DSCAM: variants seen among roughly 807,000 people sequenced by gnomAD.
DSCAM encodes cell adhesion molecule DSCAM.
In DSCAM, 47 loss-of-function variants were observed where a neutral mutation model predicts 217.7. That is an observed-to-expected ratio of 0.22 (90% CI 0.17 to 0.28). DSCAM has a LOEUF of 0.28. DSCAM is among the 10% of genes least tolerant of loss of function. The pLI is 1.00. For synonymous variants in DSCAM, 1,056 were observed against 1,015.3 expected (o/e 1.04, Z -0.76); for missense variants, 2,080 against 2,618.3 (o/e 0.79, Z 4.49).
chr21:40,533,557 T>TATC (rs1568884637), intron 3 of DSCAM, among the ~76,000 whole-genome samples: 2,721 of 62,664 alleles, frequency 0.043, 89 homozygotes, highest in African/African-American at 0.096. Context: ...ATCCATCCAT[T>TATC]CATCCATCCA....
At chr21:40,726,292 A>T (rs1309093120) in intron 1 of DSCAM, among the ~76,000 whole-genome samples, 1 of 152,216 alleles carries the variant, frequency 6.6e-6, no homozygotes, top group Non-Finnish European at 1.5e-5. Context: ...TGTAATAGAA[A>T]AAGTGTTCAT....
intron 10 of DSCAM, among the ~76,000 whole-genome samples, chr21:40,290,438 T>C (rs1473818474): frequency 1.3e-5 from 2 of 152,064 alleles, no homozygotes; most frequent in African/African-American, 4.8e-5. Context: ...CTGGCCAATA[T>C]GGTGAAACCC....
intron 3 of DSCAM, among the ~76,000 whole-genome samples, chr21:40,479,113 C>A (rs1182650296): frequency 6.6e-6 from 1 of 152,180 alleles, no homozygotes; most frequent in Non-Finnish European, 1.5e-5. Context: ...CTAAGTGCTT[C>A]ATTGCAATGA....
chr21:40,814,023 G>A (rs1445606220), intron 1 of DSCAM, among the ~76,000 whole-genome samples: 1 of 152,124 alleles, frequency 6.6e-6, no homozygotes, highest in African/African-American at 2.4e-5. Flanking sequence ...GAATCTTTTG[G>A]TCTCTTGCAG....
In DSCAM at chr21:40,553,919, T is replaced by C. The variant is rs2076650079; in HGVS notation, c.508+138891A>G. ...GAGGCCCAACAGGTTACGTGACTTATCCTCCTCAGAGCAAAGCCAAGCGGA... is the reference window on the plus strand; with the variant it reads ...GAGGCCCAACAGGTTACGTGACTTACCCTCCTCAGAGCAAAGCCAAGCGGA... On this transcript the variant is annotated intron_variant, in intron 3 of 32. Coordinates refer to ENST00000400454, the MANE Select transcript of DSCAM (RefSeq NM_001389.5). 6.6e-5 allele frequency among the ~76,000 whole-genome samples: 10 copies of C among 152,260 alleles called. No homozygotes were observed. In the South Asian group the frequency reaches 2.1e-3, roughly 32 times the overall value.
At chr21:40,323,145 C>T (rs951502393) in intron 8 of DSCAM, among the ~76,000 whole-genome samples, 1 of 152,152 alleles carries the variant, frequency 6.6e-6, no homozygotes. Flanking sequence ...AGCTCACTGT[C>T]ATTGGCCTGC....
At chr21:40,636,595 T>C (rs571227113) in intron 3 of DSCAM, among the ~76,000 whole-genome samples, 4 of 152,036 alleles carry the variant, frequency 2.6e-5, no homozygotes, top group South Asian at 4.2e-4. Flanking sequence ...CCCTCTAACA[T>C]AGAAAAATAT....
intron 16 of DSCAM, 29 bp downstream of exon 16, chr21:40,167,189 C>G: frequency 6.2e-7 from 1 of 1,609,242 alleles, no homozygotes; most frequent in Non-Finnish European, 8.5e-7. Context: ...GGGGAAAGCA[C>G]CGAGAATACA....
chr21:40,374,767 C>T (rs987426188), intron 3 of DSCAM, among the ~76,000 whole-genome samples: 5 of 152,170 alleles, frequency 3.3e-5, no homozygotes, highest in African/African-American at 4.8e-5. Context: ...TTTCTCTTTC[C>T]GCCCTGTGGG....
chr21:40,247,682 G>T (rs1215582566), intron 11 of DSCAM, among the ~76,000 whole-genome samples: 1 of 152,198 alleles, frequency 6.6e-6, no homozygotes, highest in Non-Finnish European at 1.5e-5. Flanking sequence ...GGTGTTGAAT[G>T]TCTGTGACTT....
chr21:40,104,274 A>G (rs1437777741), intron 20 of DSCAM, among the ~76,000 whole-genome samples: 1 of 152,234 alleles, frequency 6.6e-6, no homozygotes, highest in Non-Finnish European at 1.5e-5. Flanking sequence ...ATAGTTTCTC[A>G]CATACAAGAA....
In DSCAM at chr21:40,260,275, T is replaced by A. The variant is rs370459674; in HGVS notation, c.2356+15822A>T. On this transcript the variant is annotated intron_variant, in intron 11 of 32. Transcript: ENST00000400454. ...TAGCCACAAAAAGTGGACATCTAAC[T>A]TGAGGTTCTGGAATCAATTGGCTTA... Among the ~76,000 whole-genome samples, 97 of 152,302 alleles carry A rather than the reference T, an allele frequency of 6.4e-4. No individual in the cohort carries two copies. In the South Asian group the frequency reaches 0.019, roughly 30 times the overall value.
chr21:40,076,738 T>C (rs1367063616), intron 26 of DSCAM, among the ~76,000 whole-genome samples: 1 of 152,222 alleles, frequency 6.6e-6, no homozygotes, highest in Admixed American at 6.5e-5. Context: ...ATTAAATCAT[T>C]AGCTGTGAGC....
chr21:40,493,197 T>G (rs2076090099), intron 3 of DSCAM, among the ~76,000 whole-genome samples: 1 of 152,202 alleles, frequency 6.6e-6, no homozygotes, highest in Non-Finnish European at 1.5e-5. Context: ...ACTTATATTT[T>G]TAATGTCAAA....
At chr21:40,588,828 A>G (rs2076964273) in intron 3 of DSCAM, among the ~76,000 whole-genome samples, 1 of 152,242 alleles carries the variant, frequency 6.6e-6, no homozygotes, top group African/African-American at 2.4e-5. Flanking sequence ...AAAGGGAATT[A>G]TGTTGACAGA....
At chr21:40,193,782 T>C (rs1044153050) in intron 11 of DSCAM, among the ~76,000 whole-genome samples, 1 of 152,222 alleles carries the variant, frequency 6.6e-6, no homozygotes, top group Non-Finnish European at 1.5e-5. Context: ...CAGACAGTTT[T>C]CCTTTGAGAA....
At chr21:40,305,205 C>T (rs1009301076) in intron 9 of DSCAM, among the ~76,000 whole-genome samples, 2 of 152,088 alleles carry the variant, frequency 1.3e-5, no homozygotes, top group East Asian at 1.9e-4. Context: ...GCCTGGCCAA[C>T]GTGGTGAAAC....
intron 15 of DSCAM, among the ~76,000 whole-genome samples, chr21:40,169,148 A>T (rs1197674560): frequency 6.6e-6 from 1 of 152,160 alleles, no homozygotes; most frequent in Non-Finnish European, 1.5e-5. Flanking sequence ...GGGCAAAGGA[A>T]CAAATACCTC....
chr21:40,733,203 C>T (rs1025400418), intron 1 of DSCAM, among the ~76,000 whole-genome samples: 2 of 152,168 alleles, frequency 1.3e-5, no homozygotes, highest in African/African-American at 4.8e-5. Context: ...TACAGGGAGG[C>T]AGGCTGGAGA....
Sources: allele counts gnomAD v4.1 joint callset (sites outside exome capture counted in the v4.1 genomes callset), GRCh38; gene constraint gnomAD v4.1.1; transcripts MANE v1.5; gene names NCBI Gene and HGNC (gene_info 2026-07-23, HGNC 2026-07-21).